RBMS3: variants seen among roughly 807,000 people sequenced by gnomAD.
The protein encoded by RBMS3 is RNA-binding motif, single-stranded-interacting protein 3.
Under a neutral mutation model 66.8 loss-of-function variants are expected in RBMS3, and 27 were observed. The observed-to-expected ratio is 0.40, with a 90% CI of 0.30 to 0.56. The LOEUF is 0.56. RBMS3 is among the 20% of genes least tolerant of loss of function. RBMS3 has a pLI of 0.40. For synonymous variants in RBMS3, 188 were observed against 183.0 expected, an observed-to-expected ratio of 1.03 and a Z score of -0.22; for missense variants, 513 against 549.5, an observed-to-expected ratio of 0.93 and a Z score of 0.66.
chr3:29,786,134 A>C (rs1000055956), intron 6 of RBMS3, among the ~76,000 whole-genome samples: 1 of 152,016 alleles, frequency 6.6e-6, no homozygotes, highest in Non-Finnish European at 1.5e-5. Flanking sequence ...GTACCTAAGA[A>C]CATGAAACAC....
intron 2 of RBMS3, among the ~76,000 whole-genome samples, chr3:29,443,809 A>G (rs1164543987): frequency 6.6e-6 from 1 of 152,052 alleles, no homozygotes; most frequent in Non-Finnish European, 1.5e-5. Context: ...TATATTTTGG[A>G]GATAGTTTTG....
chr3:29,809,261 T>C (rs1287307323), intron 6 of RBMS3, among the ~76,000 whole-genome samples: 2 of 151,532 alleles, frequency 1.3e-5, no homozygotes, highest in Non-Finnish European at 3.0e-5. Context: ...CTGTCCTTAT[T>C]ATAATAAGGA....
At position 30,009,349 on chromosome 3, in the gene RBMS3, T is replaced by G. The variant is rs1699893734; in HGVS notation, c.*5487T>G. 6.6e-6 allele frequency: 1 copy of G among 152,176 alleles called. No homozygotes were observed. The highest frequency in any genetic ancestry group is 6.5e-5 in the Admixed American group (1 of 15,280). 9.4% of individuals were successfully genotyped at this position (152,176 alleles called of 1,614,324 possible). ...AATTGGAAATAAAATTTGATTATTT[T>G]ATTTCTTATAAAGTATTAATTTCTT... On this transcript the variant is annotated 3_prime_UTR_variant, in exon 15 of 15. Coordinates refer to ENST00000383767, the MANE Select transcript of RBMS3 (RefSeq NM_001003793.3).
At chr3:29,483,932 T>C (rs1374871786) in intron 2 of RBMS3, among the ~76,000 whole-genome samples, 1 of 152,236 alleles carries the variant, frequency 6.6e-6, no homozygotes, top group East Asian at 1.9e-4. Context: ...TAAAGTTTAC[T>C]TGGTGTGGAT....
intron 1 of RBMS3, among the ~76,000 whole-genome samples, chr3:29,361,673 T>C (rs2125582611): frequency 6.6e-6 from 1 of 152,352 alleles, no homozygotes; most frequent in South Asian, 2.1e-4. Flanking sequence ...TCCCCGTCAC[T>C]TTCAGGTACA....
At chr3:29,903,918 A>G (rs1269428455) in intron 10 of RBMS3, among the ~76,000 whole-genome samples, 1 of 152,018 alleles carries the variant, frequency 6.6e-6, no homozygotes, top group Non-Finnish European at 1.5e-5. Context: ...TTTCAGCTAA[A>G]GAGAAAATAT....
At chr3:29,455,874 G>A (rs1387546258) in intron 2 of RBMS3, among the ~76,000 whole-genome samples, 3 of 151,692 alleles carry the variant, frequency 2.0e-5, no homozygotes, top group Non-Finnish European at 2.9e-5. Flanking sequence ...ACTTGTTTAC[G>A]ATAAGAGAGC....
At chr3:29,874,535 A>C (rs1001662612) in intron 7 of RBMS3, among the ~76,000 whole-genome samples, 2 of 152,202 alleles carry the variant, frequency 1.3e-5, no homozygotes, top group African/African-American at 4.8e-5. Context: ...AGGTTCTGCA[A>C]ATAGTCTTTT....
chr3:29,913,492 A>G (rs1423587473), intron 10 of RBMS3, among the ~76,000 whole-genome samples: 1 of 152,014 alleles, frequency 6.6e-6, no homozygotes, highest in Non-Finnish European at 1.5e-5. Context: ...TTCATTGCAC[A>G]TAACTGAGGA....
intron 14 of RBMS3, among the ~76,000 whole-genome samples, chr3:29,998,271 C>G (rs564919210): frequency 2.2e-4 from 34 of 152,008 alleles, no homozygotes; most frequent in African/African-American, 8.0e-4. Flanking sequence ...AAAGAGGATA[C>G]AAACAAATGG....
chr3:29,828,170 G>A (rs1427404176), intron 6 of RBMS3, among the ~76,000 whole-genome samples: 1 of 152,010 alleles, frequency 6.6e-6, no homozygotes, highest in African/African-American at 2.4e-5. Context: ...TGCTGTCCTG[G>A]AAATCACTTT....
chr3:29,283,415 A>G (rs893387988), intron 1 of RBMS3, among the ~76,000 whole-genome samples: 1 of 152,122 alleles, frequency 6.6e-6, no homozygotes, highest in African/African-American at 2.4e-5. Context: ...TGTTATGCAC[A>G]TTTTTTCAAA....
At chr3:29,637,399 A>G (rs1358749171) in intron 4 of RBMS3, among the ~76,000 whole-genome samples, 1 of 151,900 alleles carries the variant, frequency 6.6e-6, no homozygotes, top group African/African-American at 2.4e-5. Flanking sequence ...AAGGTTGGTT[A>G]AAGGGAAATG....
At chr3:29,924,109 A>G in intron 10 of RBMS3, among the ~76,000 whole-genome samples, 1 of 152,236 alleles carries the variant, frequency 6.6e-6, no homozygotes, top group East Asian at 1.9e-4. Flanking sequence ...ACCCTGTTAC[A>G]TGACCAAAGG....
chr3:29,777,474 A>G (rs555539659), intron 6 of RBMS3, among the ~76,000 whole-genome samples: 161 of 151,916 alleles, frequency 1.1e-3, no homozygotes, highest in African/African-American at 3.7e-3. Context: ...GTAAATGCTT[A>G]TAAAGTGAAT....
chr3:29,573,372 C>T (rs1265834322), intron 3 of RBMS3, among the ~76,000 whole-genome samples: 1 of 152,188 alleles, frequency 6.6e-6, no homozygotes, highest in African/African-American at 2.4e-5. Context: ...TTGCCTTGGC[C>T]TCCCAAAGTT....
intron 1 of RBMS3, among the ~76,000 whole-genome samples, chr3:29,384,658 C>T (rs966446439): frequency 6.6e-6 from 1 of 152,096 alleles, no homozygotes; most frequent in African/African-American, 2.4e-5. Context: ...ATTAATATAG[C>T]AAGTGTGACT....
chr3:29,576,446 C>T (rs899086916), intron 3 of RBMS3, among the ~76,000 whole-genome samples: 1 of 152,124 alleles, frequency 6.6e-6, no homozygotes, highest in Non-Finnish European at 1.5e-5. Context: ...CTGCATAGCA[C>T]TGAGTCTTGC....
At chr3:29,858,517 G>A (rs915487525) in intron 6 of RBMS3, among the ~76,000 whole-genome samples, 1 of 152,028 alleles carries the variant, frequency 6.6e-6, no homozygotes, top group East Asian at 1.9e-4. Flanking sequence ...CACAAGTTTC[G>A]CTAGTCTGTT....
Sources: gnomAD v4.1 joint callset for allele counts (sites outside exome capture counted in the v4.1 genomes callset) on GRCh38, gnomAD v4.1.1 for gene constraint, MANE v1.5 for transcripts, NCBI Gene and HGNC (gene_info 2026-07-23, HGNC 2026-07-21) for gene names.